Variants in TRPM8 observed in about 807,000 individuals in gnomAD.
TRPM8 encodes transient receptor potential cation channel subfamily M member 8, also known as TRPM8 cationic channel.
Under a neutral mutation model 133.7 loss-of-function variants are expected in TRPM8, and 110 were observed. That is an observed-to-expected ratio of 0.82 (90% confidence interval 0.70 to 0.96). The LOEUF (loss-of-function observed/expected upper bound fraction) is 0.96, where lower values mean the gene tolerates loss of function less well. Ranked by LOEUF, TRPM8 falls within the 40% of genes least tolerant of loss-of-function variation. TRPM8 has a pLI of 0.00. For missense variants in TRPM8, 1,291 were observed against 1,379.5 expected, an observed-to-expected ratio of 0.94 and a Z score of 1.02; for synonymous variants, 535 against 532.3, an observed-to-expected ratio of 1.01 and a Z score of -0.07.
intron 11 of TRPM8, among the ~76,000 whole-genome samples, chr2:233,960,110 G>A (rs903362700): frequency 2.6e-5 from 4 of 152,136 alleles, no homozygotes; most frequent in African/African-American, 9.7e-5. Context: ...CAGAAGCCCA[G>A]AATGTAGAGC....
chr2:234,013,582 A>G (rs1234695305), intron 24 of TRPM8: 1 of 152,044 alleles, frequency 6.6e-6, no homozygotes, highest in Non-Finnish European at 1.5e-5. Context: ...CTTACTTTCA[A>G]TGATTTTTTT....
intron 16 of TRPM8, 124 bp downstream of exon 16, chr2:233,969,931 C>A: frequency 1.3e-6 from 1 of 779,996 alleles, no homozygotes. Context: ...ACATTGTTGC[C>A]TATGAATTTG....
At chr2:233,988,921 C>T (rs1015242850) in intron 21 of TRPM8, among the ~76,000 whole-genome samples, 4 of 152,254 alleles carry the variant, frequency 2.6e-5, no homozygotes, top group Non-Finnish European at 5.9e-5. Context: ...GAAGCAAAGG[C>T]GAGGGCGAAG....
At chr2:233,964,579 A>G (rs747842816) in intron 13 of TRPM8, 49 bp from the exon 14 acceptor site, 8 of 1,357,670 alleles carry the variant, frequency 5.9e-6, no homozygotes, top group African/African-American at 3.1e-5. Flanking sequence ...AAAAAAAAAG[A>G]AAAGGAAAAA....
At position 233,964,635 on chromosome 2, in the gene TRPM8, G is replaced by C; in HGVS notation, c.1757G>C (p.Gly586Ala). Reference protein sequence around the residue: ...LSKVIWEQTRGCTLAALGASK... With the variant: ...LSKVIWEQTRACTLAALGASK... ...CTTCACCCCCCTAAAAAGACCAGGG[G>C]CTGCACTCTGGCAGCCCTGGGAGCC... Residue 586 changes from glycine to alanine, a missense_variant, in exon 14 of 26, where the codon GGC becomes GCC. This residue lies in a region of TRPM8 where 963 missense variants were observed against 968.9 expected (regional missense o/e 0.99). Coordinates refer to ENST00000324695, the MANE Select transcript of TRPM8 (RefSeq NM_024080.5). 1 of 1,603,348 alleles carries C rather than the reference G, an allele frequency of 6.2e-7. No individual in the cohort carries two copies. The highest frequency in any genetic ancestry group is 8.5e-7 in the Non-Finnish European group (1 of 1,172,814).
intron 22 of TRPM8, among the ~76,000 whole-genome samples, chr2:233,996,826 C>T (rs1195838855): frequency 6.6e-6 from 1 of 152,204 alleles, no homozygotes; most frequent in Non-Finnish European, 1.5e-5. Context: ...CCAATCATGA[C>T]TTTGTTTTTG....
In TRPM8 at chr2:233,983,158, A is replaced by T. The variant is rs1692054633; in HGVS notation, c.2695A>T (p.Ile899Leu). Reference protein sequence around the residue: ...LRQNEQRWRWIFRSVIYEPYL... With the variant: ...LRQNEQRWRWLFRSVIYEPYL... ...GCAGAATGAGCAGCGCTGGAGGTGG[A>T]TATTCCGTTCGGTCATCTACGAGCC... The change falls in exon 20 of 26, where the codon ATA becomes TTA. Residue 899 changes from isoleucine (I) to leucine (L), a missense_variant. Coordinates refer to ENST00000324695, the MANE Select transcript of TRPM8 (RefSeq NM_024080.5). 6.2e-7 allele frequency: 1 copy of T among 1,613,958 alleles called. No homozygotes were observed. The highest frequency in any genetic ancestry group is 1.7e-5 in the Admixed American group (1 of 60,002).
chr2:234,014,723 T>C (rs1230298271), intron 25 of TRPM8, 69 bp downstream of exon 25: 7 of 559,546 alleles, frequency 1.3e-5, no homozygotes, highest in Non-Finnish European at 1.8e-5. Context: ...TTTAAGATCA[T>C]GATTTTTTCC....
intron 17 of TRPM8, 141 bp downstream of exon 17, chr2:233,970,567 A>C (rs993968048): frequency 2.6e-6 from 2 of 778,254 alleles, no homozygotes; most frequent in Admixed American, 4.5e-5. Context: ...GTGCTAGTCC[A>C]TGAGTGTGAA....
intron 18 of TRPM8, 50 bp downstream of exon 18, chr2:233,980,329 G>A (rs2125275962): frequency 7.9e-7 from 1 of 1,271,668 alleles, no homozygotes; most frequent in South Asian, 1.3e-5. Flanking sequence ...GACTACAAAA[G>A]TGGAGAAAAG....
At chr2:233,965,853 T>A (rs1356230665) in intron 14 of TRPM8, 1 of 151,370 alleles carries the variant, frequency 6.6e-6, no homozygotes, top group Non-Finnish European at 1.5e-5. Context: ...GTGTTTCTTT[T>A]TTTTTTTTTT....
Position 234,006,874 on chromosome 2 carries a change from A to G in TRPM8, c.3152A>G (p.Glu1051Gly), listed in dbSNP as rs759860849. The G allele has an allele frequency of 1.2e-6, 2 of 1,613,644 alleles. No homozygotes were observed. The highest frequency in any genetic ancestry group is 1.7e-6 in the Non-Finnish European group (2 of 1,179,610). ...CAAGGTTTCAAAAATGAAGACAATG[A>G]GACTCTGGCATGGGAGGGTGTCATG... ...SVCCFKNEDNETLAWEGVMKE... is the reference protein window; with the variant it reads ...SVCCFKNEDNGTLAWEGVMKE... Residue 1051 changes from glutamate (E) to glycine (G), a missense_variant, in exon 23 of 26, where the codon GAG (glutamate) becomes GGG (glycine). By Grantham distance (98) the Glu-to-Gly change is moderately conservative. Around this residue, in one of 2 missense-constraint regions of TRPM8, gnomAD observed 328 missense variants for 410.6 expected, o/e 0.80. Coordinates refer to ENST00000324695, the MANE Select transcript of TRPM8 (RefSeq NM_024080.5).
At chr2:233,945,631 G>A (rs1214888512) in intron 6 of TRPM8, among the ~76,000 whole-genome samples, 1 of 152,172 alleles carries the variant, frequency 6.6e-6, no homozygotes, top group Non-Finnish European at 1.5e-5. Context: ...GGCCATTTAT[G>A]AGAAAATGAG....
At chr2:233,920,020 C>T (rs776866699) in intron 1 of TRPM8, among the ~76,000 whole-genome samples, 2 of 152,170 alleles carry the variant, frequency 1.3e-5, no homozygotes, top group African/African-American at 2.4e-5. Flanking sequence ...GGTCCTGAGG[C>T]CACCTCATTA....
At chr2:233,992,216 T>G (rs1253998092) in intron 21 of TRPM8, among the ~76,000 whole-genome samples, 1 of 151,696 alleles carries the variant, frequency 6.6e-6, no homozygotes, top group Non-Finnish European at 1.5e-5. Context: ...TTACTTTTCT[T>G]TTTTTTTCTT....
At chr2:233,922,970 G>A (rs549058239) in intron 1 of TRPM8, among the ~76,000 whole-genome samples, 2 of 152,048 alleles carry the variant, frequency 1.3e-5, no homozygotes, top group African/African-American at 2.4e-5. Context: ...CCAGGTTCAC[G>A]CATTCTCCTG....
chr2:233,951,720 A>T (rs1323099172), intron 9 of TRPM8, among the ~76,000 whole-genome samples: 1 of 152,214 alleles, frequency 6.6e-6, no homozygotes, highest in East Asian at 1.9e-4. Flanking sequence ...TTACAATCAC[A>T]TCAATCAGAA....
chr2:233,924,192 A>T (rs192212634), intron 1 of TRPM8, among the ~76,000 whole-genome samples: 20 of 152,332 alleles, frequency 1.3e-4, no homozygotes, highest in Admixed American at 1.3e-3. Context: ...TCAGGAGCGG[A>T]AGGACTCATG....
intron 22 of TRPM8, among the ~76,000 whole-genome samples, chr2:234,002,990 A>G (rs570894953): frequency 1.2e-4 from 18 of 152,358 alleles, no homozygotes; most frequent in African/African-American, 4.1e-4. Context: ...GAAGATTCAG[A>G]AAGTAAAAAT....
Sources: gnomAD v4.1 joint callset for allele counts (sites outside exome capture counted in the v4.1 genomes callset) on GRCh38, gnomAD v4.1.1 for gene constraint, gnomAD v4.1.1 regional missense constraint, MANE v1.5 for transcripts, NCBI Gene and HGNC (gene_info 2026-07-23, HGNC 2026-07-21) for gene names.